Variants in TAS1R1 observed in about 807,000 individuals in gnomAD.
TAS1R1 encodes the protein taste 1 receptor member 1.
In TAS1R1, 31 loss-of-function variants were observed where a neutral mutation model predicts 45.8. The ratio of observed to expected loss-of-function variants is 0.68; its 90% CI spans 0.51 to 0.91. TAS1R1 has a LOEUF of 0.91. Ranked by LOEUF, TAS1R1 falls within the 40% of genes least tolerant of loss-of-function variation. TAS1R1 has a pLI of 0.00. For missense variants in TAS1R1, 1,051 were observed against 1,063.9 expected (o/e 0.99, Z 0.17); for synonymous variants, 437 against 448.4 (o/e 0.97, Z 0.32).
At chr1:6,569,117 G>A (rs1639943474) in intron 1 of TAS1R1, among the ~76,000 whole-genome samples, 1 of 151,434 alleles carries the variant, frequency 6.6e-6, no homozygotes, top group African/African-American at 2.4e-5. Flanking sequence ...TGGAGAGAGG[G>A]GGAGAAGGGG....
At chr1:6,571,312 C>G in intron 2 of TAS1R1, 97 bp downstream of exon 2, 1 of 1,338,826 alleles carries the variant, frequency 7.5e-7, no homozygotes, top group Non-Finnish European at 1.0e-6. Flanking sequence ...GGCTGCCTGC[C>G]CCCTGGATCT....
Position 6,555,446 on chromosome 1 carries a change from A to G in TAS1R1, c.73A>G (p.Ser25Gly), listed in dbSNP as rs1244304628. The part of the protein sequence containing the change: ...ISCCWAFACH[S>G]TESSPDFTLP... Reference sequence around the variant, plus strand: ...CTGCTGCTGGGCCTTTGCCTGCCATAGCACGGAGTCTTCTCCTGACTTCAC... The same window carrying G: ...CTGCTGCTGGGCCTTTGCCTGCCATGGCACGGAGTCTTCTCCTGACTTCAC... The change falls in exon 1 of 6, where the codon AGC (serine) becomes GGC (glycine). Residue 25 changes from serine to glycine, a missense_variant. Transcript: ENST00000333172. 6.2e-7 allele frequency: 1 copy of G among 1,607,786 alleles called. No individual in the cohort carries two copies. Among genetic ancestry groups the G allele is most frequent in the Non-Finnish European group, 8.5e-7 (1 of 1,177,378 alleles).
intron 2 of TAS1R1, among the ~76,000 whole-genome samples, chr1:6,571,877 C>T (rs527649287): frequency 1.3e-5 from 2 of 152,204 alleles, no homozygotes; most frequent in Non-Finnish European, 2.9e-5. Flanking sequence ...GACTGCTCCA[C>T]ATCATCCCAG....
chr1:6,558,036 G>GTTTTTTTTTTTTTTTTTTTTTTTTT (rs779773064), intron 1 of TAS1R1, among the ~76,000 whole-genome samples: 2 of 140,822 alleles, frequency 1.4e-5, no homozygotes, highest in South Asian at 2.2e-4. Flanking sequence ...GTAGTGGTTA[G>GTTTTTTTTTTTTTTTTTTTTTTTTT]TTTTTGTTTT....
At chr1:6,559,657 T>C (rs549598975) in intron 1 of TAS1R1, among the ~76,000 whole-genome samples, 1,473 of 130,212 alleles carry the variant, frequency 0.011, 28 homozygotes, top group African/African-American at 0.041. Context: ...AGACTCCCTC[T>C]CAAAAAAAAA....
intron 2 of TAS1R1, among the ~76,000 whole-genome samples, chr1:6,571,545 C>T (rs1014659392): frequency 6.6e-6 from 1 of 152,216 alleles, no homozygotes; most frequent in Non-Finnish European, 1.5e-5. Context: ...GAATGGACAT[C>T]CTGGACGGGC....
chr1:6,576,934 C>T lies in TAS1R1; in HGVS notation c.1474-16C>T, dbSNP rs367876752. 1.1e-5 allele frequency: 17 copies of T among 1,614,230 alleles called. No homozygotes were observed. In the South Asian group the frequency reaches 1.5e-4, roughly 15 times the overall value. ...TGACTTGGGCCCCTACGTGTGGCCC[C>T]TCTGGCTTCTTACAGGTGCCTAAGT... On this transcript the variant is annotated splice_polypyrimidine_tract_variant and intron_variant, in intron 4 of 5. Coordinates refer to ENST00000333172, the MANE Select transcript of TAS1R1 (RefSeq NM_138697.4).
chr1:6,573,284 CTG>C (rs1280118701), intron 2 of TAS1R1, among the ~76,000 whole-genome samples: 1 of 152,160 alleles, frequency 6.6e-6, no homozygotes, highest in African/African-American at 2.4e-5. Flanking sequence ...TGGTGAAACC[CTG>C]TCTCTGCTAA....
chr1:6,574,522 G>A lies in TAS1R1; in HGVS notation c.499-109G>A. The A allele has an allele frequency of 9.0e-6, 12 of 1,340,642 alleles. No individual in the cohort carries two copies. Among genetic ancestry groups the A allele is most frequent in the Non-Finnish European group, 1.2e-5 (12 of 1,001,102 alleles). The allele number at this position is 1,340,642 out of a possible 1,614,324, so 83.0% of individuals were successfully genotyped here. On this transcript the variant is annotated intron_variant, in intron 2 of 5. Coordinates refer to ENST00000333172, the MANE Select transcript of TAS1R1 (RefSeq NM_138697.4). The surrounding 1 kb of genome is among the most constrained non-coding windows in gnomAD (Gnocchi z 4.3). ...GATTTGTCAGTTTCACAGGCTGAGG[G>A]GTGCTCTCCTGGTCTCCCCGGCTCC...
rs748624080 is a variant in TAS1R1 at position 6,578,892 on chromosome 1, C to CTGGCAGCAGGTAG, written c.1842_1854dup (p.Leu619ArgfsTer2). On this transcript the variant is annotated frameshift_variant, in exon 6 of 6. Coordinates refer to ENST00000333172, the MANE Select transcript of TAS1R1 (RefSeq NM_138697.4). LOFTEE classifies it low-confidence loss of function (END_TRUNC). ...CCTGTGCTTTCTTATGCTGGGCTCC[C>CTGGCAGCAGGTAG]TGGCAGCAGGTAGTGGCAGCCTCTA... The CTGGCAGCAGGTAG allele has an allele frequency of 1.9e-6, 3 of 1,610,178 alleles. No individual in the cohort carries two copies. The highest frequency in any genetic ancestry group is 2.5e-6 in the Non-Finnish European group (3 of 1,177,246).
Position 6,576,395 on chromosome 1 carries a change from A to C in TAS1R1, c.1261-20A>C. On this transcript the variant is annotated intron_variant, in intron 3 of 5. Coordinates refer to ENST00000333172, the MANE Select transcript of TAS1R1 (RefSeq NM_138697.4). ...GGTCTGTGCTGTCTGTGGTGGCTTC[A>C]TGATACGCGTTTCTTTCAGCTTTTG... is the stretch of plus-strand genomic sequence containing the variant. 6.2e-7 allele frequency: 1 copy of C among 1,613,658 alleles called. No homozygotes were observed. Among genetic ancestry groups the C allele is most frequent in the Non-Finnish European group, 8.5e-7 (1 of 1,179,536 alleles).
chr1:6,568,278 T>C (rs1639915096), intron 1 of TAS1R1, among the ~76,000 whole-genome samples: 1 of 151,484 alleles, frequency 6.6e-6, no homozygotes, highest in Non-Finnish European at 1.5e-5. Flanking sequence ...TGAAACCCCA[T>C]CTCTACTAAA....
chr1:6,577,783 G>A (rs2148677379), intron 5 of TAS1R1, among the ~76,000 whole-genome samples: 1 of 152,162 alleles, frequency 6.6e-6, no homozygotes, highest in East Asian at 1.9e-4. Flanking sequence ...AGCCAAGATT[G>A]CACCATTGCA....
chr1:6,560,810 G>A (rs983758556), intron 1 of TAS1R1, among the ~76,000 whole-genome samples: 3 of 151,850 alleles, frequency 2.0e-5, no homozygotes, highest in South Asian at 2.1e-4. Flanking sequence ...GTGAAACCCC[G>A]TCTCTACAAA....
Position 6,574,933 on chromosome 1 carries a change from G to T in TAS1R1, c.801G>T (p.Gly267=). Residue 267 remains glycine (G), a synonymous_variant, in exon 3 of 6, where the codon GGG becomes GGT. Coordinates refer to ENST00000333172, the MANE Select transcript of TAS1R1 (RefSeq NM_138697.4). This position sits in a 1 kb window ranked among gnomAD's most constrained non-coding sequence, Gnocchi z 4.3. ...QCLMRHLAQA[G]ATVVVVFSSR... ...TCATGCGCCACCTGGCCCAGGCCGG[G>T]GCCACCGTCGTGGTTGTTTTTTCCA... The T allele has an allele frequency of 6.2e-7, 1 of 1,612,490 alleles. No homozygotes were observed. Among genetic ancestry groups the T allele is most frequent in the Non-Finnish European group, 8.5e-7 (1 of 1,178,712 alleles).
intron 1 of TAS1R1, among the ~76,000 whole-genome samples, chr1:6,566,003 G>A (rs926960590): frequency 1.3e-5 from 2 of 152,180 alleles, no homozygotes; most frequent in African/African-American, 4.8e-5. Flanking sequence ...GTGGAGAGTT[G>A]TGCTTTGGAG....
At chr1:6,560,868 C>T (rs1639772949) in intron 1 of TAS1R1, among the ~76,000 whole-genome samples, 1 of 151,938 alleles carries the variant, frequency 6.6e-6, no homozygotes, top group African/African-American at 2.4e-5. Flanking sequence ...CCTGTAGTCC[C>T]AGCTACTCGG....
intron 1 of TAS1R1, among the ~76,000 whole-genome samples, chr1:6,566,379 G>A (rs1284377808): frequency 1.3e-5 from 2 of 152,080 alleles, no homozygotes; most frequent in African/African-American, 4.8e-5. Flanking sequence ...GAAGTGTATA[G>A]AGGTTAGGGA....
intron 1 of TAS1R1, among the ~76,000 whole-genome samples, chr1:6,566,838 G>A (rs868759046): frequency 3.3e-5 from 5 of 152,268 alleles, no homozygotes; most frequent in African/African-American, 4.8e-5. Flanking sequence ...CTCGTGATCT[G>A]CCCGCCTCGG....
Sources: gnomAD v4.1 joint callset for allele counts (sites outside exome capture counted in the v4.1 genomes callset) on GRCh38, gnomAD v4.1.1 for gene constraint, Gnocchi (gnomAD v3.1) non-coding constraint, MANE v1.5 for transcripts, NCBI Gene and HGNC (gene_info 2026-07-23, HGNC 2026-07-21) for gene names.